PPARGC1A: variants seen among roughly 807,000 people sequenced by gnomAD.
PPARGC1A encodes peroxisome proliferator-activated receptor gamma coactivator 1-alpha.
A neutral mutation model predicts 88.7 loss-of-function variants in PPARGC1A; 25 were observed. That is an observed-to-expected ratio of 0.28 (90% confidence interval 0.21 to 0.39). The LOEUF is 0.39. Ranked by LOEUF, PPARGC1A falls within the 10% of genes least tolerant of loss-of-function variation. The pLI is 1.00. For missense variants in PPARGC1A, 880 were observed against 968.7 expected (o/e 0.91, Z 1.22); for synonymous variants, 363 against 355.6 (o/e 1.02, Z -0.24).
chr4:23,981,811 G>T, the PPARGC1A span, among the ~76,000 whole-genome samples: 11 of 152,098 alleles, frequency 7.2e-5, no homozygotes, highest in Admixed American at 7.2e-4. Context: ...GCGATCTTTA[G>T]TAGATTCCCT....
At chr4:24,063,680 A>T in the PPARGC1A span, among the ~76,000 whole-genome samples, 1 of 152,194 alleles carries the variant, frequency 6.6e-6, no homozygotes, top group East Asian at 1.9e-4. Flanking sequence ...AATGAGAAAG[A>T]GGAGAGAAGG....
At chr4:24,104,033 C>T in the PPARGC1A span, among the ~76,000 whole-genome samples, 1 of 152,316 alleles carries the variant, frequency 6.6e-6, no homozygotes, top group South Asian at 2.1e-4. Context: ...TAGCTCTCCT[C>T]ACAACATCAT....
the PPARGC1A span, among the ~76,000 whole-genome samples, chr4:24,231,163 C>T: frequency 1.3e-5 from 2 of 152,136 alleles, no homozygotes; most frequent in African/African-American, 4.8e-5. Context: ...AACCCCAGCT[C>T]TTTATGATTC....
At chr4:24,194,214 G>A in the PPARGC1A span, among the ~76,000 whole-genome samples, 1 of 152,002 alleles carries the variant, frequency 6.6e-6, no homozygotes, top group Non-Finnish European at 1.5e-5. Context: ...TCTCCAGTAG[G>A]AAGAATATAT....
chr4:24,409,652 C>A, the PPARGC1A span, among the ~76,000 whole-genome samples: 1 of 152,136 alleles, frequency 6.6e-6, no homozygotes, highest in Non-Finnish European at 1.5e-5. Flanking sequence ...CATTCAGGAG[C>A]TGGACAGATG....
chr4:23,835,015 T>A (rs908278326), intron 2 of PPARGC1A, among the ~76,000 whole-genome samples: 1 of 152,148 alleles, frequency 6.6e-6, no homozygotes, highest in Admixed American at 6.6e-5. Context: ...AATTGGGCAT[T>A]TTTCCAAGTA....
At chr4:24,019,414 T>C in the PPARGC1A span, among the ~76,000 whole-genome samples, 2 of 152,208 alleles carry the variant, frequency 1.3e-5, no homozygotes, top group African/African-American at 4.8e-5. Context: ...GACAAGTAAT[T>C]TGTCTTAGGA....
At chr4:24,254,420 C>G in the PPARGC1A span, among the ~76,000 whole-genome samples, 54,476 of 152,110 alleles carry the variant, frequency 0.36, 11,217 homozygotes, top group Non-Finnish European at 0.47. Flanking sequence ...GAGAGGCACT[C>G]CCCAGTTCCA....
At chr4:24,086,418 T>C in the PPARGC1A span, among the ~76,000 whole-genome samples, 1 of 152,218 alleles carries the variant, frequency 6.6e-6, no homozygotes, top group Non-Finnish European at 1.5e-5. Context: ...CTCTTTCCTA[T>C]GTCTGACATA....
At chr4:24,328,083 C>T in the PPARGC1A span, among the ~76,000 whole-genome samples, 17 of 151,960 alleles carry the variant, frequency 1.1e-4, no homozygotes, top group East Asian at 3.9e-4. Flanking sequence ...TCCTATAAAA[C>T]GGCCCCACCC....
At chr4:23,900,709 T>G (rs576917011), upstream of PPARGC1A, among the ~76,000 whole-genome samples, 39 of 152,314 alleles carry the variant, frequency 2.6e-4, no homozygotes, top group Admixed American at 2.3e-3. Context: ...TAAGTCGACT[T>G]TCTATGAGGG....
At chr4:24,399,554 A>G in the PPARGC1A span, among the ~76,000 whole-genome samples, 2 of 152,154 alleles carry the variant, frequency 1.3e-5, no homozygotes. Flanking sequence ...ACCACAGCAA[A>G]AGGACATTAT....
At chr4:24,422,356 T>A in the PPARGC1A span, among the ~76,000 whole-genome samples, 3 of 152,198 alleles carry the variant, frequency 2.0e-5, no homozygotes, top group Non-Finnish European at 4.4e-5. Context: ...TTGAAAGTCC[T>A]CATGATGGAG....
the PPARGC1A span, among the ~76,000 whole-genome samples, chr4:24,403,500 A>G: frequency 6.6e-6 from 1 of 152,218 alleles, no homozygotes; most frequent in Non-Finnish European, 1.5e-5. Context: ...GAATTATGCA[A>G]AGGCCACCCA....
the PPARGC1A span, among the ~76,000 whole-genome samples, chr4:24,354,922 AC>A: frequency 2.0e-5 from 3 of 152,044 alleles, no homozygotes; most frequent in African/African-American, 7.2e-5. Context: ...CAGAAAAAAA[AC>A]ACCCTTTTGT....
intron 1 of PPARGC1A, chr4:23,888,852 C>T (rs1035022093): frequency 1.5e-5 from 13 of 839,216 alleles, no homozygotes; most frequent in South Asian, 5.4e-5. Context: ...GTGCCCCCAG[C>T]TACCCAGAGG....
At chr4:24,050,447 C>T in the PPARGC1A span, among the ~76,000 whole-genome samples, 1 of 152,040 alleles carries the variant, frequency 6.6e-6, no homozygotes, top group African/African-American at 2.4e-5. Flanking sequence ...CCGCCCACCT[C>T]AGCCTCCCAA....
At chr4:24,462,535 C>T in the PPARGC1A span, among the ~76,000 whole-genome samples, 2 of 152,070 alleles carry the variant, frequency 1.3e-5, no homozygotes, top group Non-Finnish European at 2.9e-5. Context: ...CTACCACTTA[C>T]TAGCTGTGTG....
chr4:24,085,950 A>C, the PPARGC1A span, among the ~76,000 whole-genome samples: 1 of 152,152 alleles, frequency 6.6e-6, no homozygotes, highest in African/African-American at 2.4e-5. Flanking sequence ...GGTGGTAAGG[A>C]GTCAATGATT....
Sources: gnomAD v4.1 joint callset for allele counts (sites outside exome capture counted in the v4.1 genomes callset) on GRCh38, gnomAD v4.1.1 for gene constraint, MANE v1.5 for transcripts, NCBI Gene and HGNC (gene_info 2026-07-23, HGNC 2026-07-21) for gene names.